Variants in C4orf17 observed in about 807,000 individuals in gnomAD.
C4orf17 encodes the protein chromosome 4 open reading frame 17.
A neutral mutation model predicts 32.0 loss-of-function variants in C4orf17; 25 were observed. The observed-to-expected ratio is 0.78, with a 90% CI of 0.57 to 1.09. The LOEUF is 1.09. Among genes scored for constraint, C4orf17 ranks in the 50% least tolerant of loss-of-function variants. The pLI is 0.00. For synonymous variants in C4orf17, 149 were observed against 145.8 expected (o/e 1.02, Z -0.16); for missense variants, 420 against 420.0 (o/e 1.00, Z 0.00).
chr4:99,535,211 A>G lies in C4orf17; in HGVS notation c.547-2458A>G, dbSNP rs766103205. Among the ~76,000 whole-genome samples, 16 of 152,148 alleles carry G rather than the reference A, an allele frequency of 1.1e-4. 1 individual carries two copies. The highest frequency in any genetic ancestry group is 7.4e-5 in the Non-Finnish European group (5 of 68,000). On this transcript the variant is annotated intron_variant, in intron 5 of 8. Coordinates refer to ENST00000326581, the MANE Select transcript of C4orf17 (RefSeq NM_032149.3). ...GCCTTGGAGAATCTGACGATGATGTATCTTAGGGTGGATCTTCTCATGGAG... is the reference window on the plus strand; with the variant it reads ...GCCTTGGAGAATCTGACGATGATGTGTCTTAGGGTGGATCTTCTCATGGAG...
At chr4:99,526,082 C>T (rs1254137806) in intron 4 of C4orf17, among the ~76,000 whole-genome samples, 1 of 152,100 alleles carries the variant, frequency 6.6e-6, no homozygotes, top group African/African-American at 2.4e-5. Flanking sequence ...TGTACCTGAT[C>T]GTAGGAGGAA....
rs771583570 is a variant in C4orf17 at position 99,539,377 on chromosome 4, A to G, written c.836+7A>G. Reference sequence around the variant, plus strand: ...AAGGGGATCAACCAACCAGGTAATTAGATATAATGGCCCCCTAGAGGGAGG... The same window carrying G: ...AAGGGGATCAACCAACCAGGTAATTGGATATAATGGCCCCCTAGAGGGAGG... On this transcript the variant is annotated splice_region_variant and intron_variant, in intron 7 of 8. Transcript: ENST00000326581. 1 of 1,609,042 alleles carries G rather than the reference A, an allele frequency of 6.2e-7. No homozygotes were observed. Among genetic ancestry groups the G allele is most frequent in the South Asian group, 1.1e-5 (1 of 90,996 alleles).
rs556839279 is a variant in C4orf17, at chr4:99,511,433, T to TC, written c.-94+161_-94+162insC. Among the ~76,000 whole-genome samples, 327 of 152,234 alleles carry TC rather than the reference T, an allele frequency of 2.1e-3. 3 individuals carry two copies. The highest frequency in any genetic ancestry group is 7.4e-3 in the African/African-American group (309 of 41,536). On this transcript the variant is annotated intron_variant, in intron 1 of 8. Coordinates refer to ENST00000326581, the MANE Select transcript of C4orf17 (RefSeq NM_032149.3). ...TTGTTTTCTTGTTGACTTTTTTTTT[T>TC]TCAAAATTTAAAGTGTATCACTACC...
chr4:99,540,635 T>A lies in C4orf17; in HGVS notation c.880+180T>A. ...TTTCTCATAAAGATAAATTTACCTT[T>A]GTTTTGAAAGGCAAAGTGCCTGATC... On this transcript the variant is annotated intron_variant, in intron 8 of 8. Coordinates refer to ENST00000326581, the MANE Select transcript of C4orf17 (RefSeq NM_032149.3). 5.7e-6 allele frequency: 3 copies of A among 527,418 alleles called. No homozygotes were observed. The Middle Eastern group carries it at 1.4e-3, about 255-fold the overall frequency. The allele number at this position is 527,418 out of a possible 1,614,324, so 32.7% of individuals were successfully genotyped here.
At chr4:99,523,120 G>C (rs1421938202) in intron 3 of C4orf17, among the ~76,000 whole-genome samples, 1 of 152,088 alleles carries the variant, frequency 6.6e-6, no homozygotes, top group Non-Finnish European at 1.5e-5. Flanking sequence ...GTCAGGCCCT[G>C]TGTTACTGCT....
At chr4:99,524,494 A>T in intron 3 of C4orf17, 27 bp from the exon 4 acceptor site, 1 of 1,409,496 alleles carries the variant, frequency 7.1e-7, no homozygotes, top group South Asian at 1.2e-5. Context: ...TTTAATCTAA[A>T]TACATTTTTC....
chr4:99,515,949 C>G (rs551398415), intron 2 of C4orf17, among the ~76,000 whole-genome samples: 1 of 152,128 alleles, frequency 6.6e-6, no homozygotes, highest in East Asian at 1.9e-4. Flanking sequence ...CAGGACCAAG[C>G]AATGGCAGAA....
intron 4 of C4orf17, among the ~76,000 whole-genome samples, chr4:99,525,193 T>C (rs1295039575): frequency 1.3e-5 from 2 of 152,198 alleles, no homozygotes; most frequent in Non-Finnish European, 2.9e-5. Flanking sequence ...TTCCTATGAG[T>C]GAAATAACTG....
chr4:99,530,829 A>G lies in C4orf17; in HGVS notation c.546+871A>G, dbSNP rs138690837. On this transcript the variant is annotated intron_variant, in intron 5 of 8. Transcript: ENST00000326581. ...AATGTATAGAAAGGAGAGTATCTAC[A>G]TATTTGACTTATGTTTATACATTAT... Among the ~76,000 whole-genome samples the G allele has an allele frequency of 3.7e-3, 566 of 152,226 alleles. 5 individuals carry two copies. The highest frequency in any genetic ancestry group is 0.013 in the African/African-American group (533 of 41,570).
chr4:99,537,589 G>A, intron 5 of C4orf17, 80 bp from the exon 6 acceptor site: 1 of 975,902 alleles, frequency 1.0e-6, no homozygotes, highest in South Asian at 1.3e-5. Flanking sequence ...GGGAAGATGG[G>A]ATTCTGGAGA....
At chr4:99,538,172 C>G (rs1215849224) in intron 6 of C4orf17, among the ~76,000 whole-genome samples, 2 of 152,208 alleles carry the variant, frequency 1.3e-5, no homozygotes, top group African/African-American at 4.8e-5. Flanking sequence ...AACAGCTCTG[C>G]CATTTGCCCA....
intron 5 of C4orf17, among the ~76,000 whole-genome samples, chr4:99,535,406 C>T (rs749436890): frequency 6.6e-6 from 1 of 151,922 alleles, no homozygotes; most frequent in African/African-American, 2.4e-5. Flanking sequence ...TTTACATAAT[C>T]CCACATTTCT....
intron 2 of C4orf17, among the ~76,000 whole-genome samples, chr4:99,519,714 G>A (rs1723252980): frequency 6.6e-6 from 1 of 152,188 alleles, no homozygotes. Context: ...TGTAGAAAGT[G>A]GAAGATGAGC....
intron 4 of C4orf17, 141 bp downstream of exon 4, chr4:99,524,726 G>A: frequency 3.6e-6 from 2 of 549,788 alleles, no homozygotes; most frequent in Non-Finnish European, 6.5e-6. Context: ...CATAATATAA[G>A]ATACACATAT....
At chr4:99,533,246 C>A (rs1311513338) in intron 5 of C4orf17, among the ~76,000 whole-genome samples, 1 of 152,112 alleles carries the variant, frequency 6.6e-6, no homozygotes, top group East Asian at 1.9e-4. Flanking sequence ...ACTCTGGATA[C>A]AATATGCAGA....
At chr4:99,531,068 C>T (rs1723469732) in intron 5 of C4orf17, among the ~76,000 whole-genome samples, 2 of 152,154 alleles carry the variant, frequency 1.3e-5, no homozygotes, top group South Asian at 4.1e-4. Context: ...GATACTTTCT[C>T]TAACCATCCA....
chr4:99,539,225 C>T lies in C4orf17; in HGVS notation c.691C>T (p.His231Tyr). 1.2e-6 allele frequency: 2 copies of T among 1,614,058 alleles called. No individual in the cohort carries two copies. The highest frequency in any genetic ancestry group is 1.7e-6 in the Non-Finnish European group (2 of 1,179,952). Residue 231 changes from histidine to tyrosine, a missense_variant, in exon 7 of 9, where the codon CAC becomes TAC. His to Tyr is a moderately conservative substitution (Grantham distance 83, BLOSUM62 2). Transcript: ENST00000326581. ...ELAEINLLTH[H>Y]RRNTSMEPAA... ...TGCCGAGATAAACCTGTTAACTCATCACAGAAGAAACACCTCAATGGAACC... is the reference window on the plus strand; with the variant it reads ...TGCCGAGATAAACCTGTTAACTCATTACAGAAGAAACACCTCAATGGAACC...
intron 7 of C4orf17, among the ~76,000 whole-genome samples, chr4:99,540,098 G>A (rs1723630859): frequency 6.6e-6 from 1 of 151,902 alleles, no homozygotes; most frequent in Admixed American, 6.5e-5. Flanking sequence ...ACTTTAAAAA[G>A]CATTAAGACA....
rs148607252 is a variant in C4orf17, at chr4:99,529,894, G to A, written c.482G>A (p.Ser161Asn). 5.6e-6 allele frequency: 9 copies of A among 1,597,842 alleles called. No individual in the cohort carries two copies. Among genetic ancestry groups the A allele is most frequent in the Non-Finnish European group, 7.6e-6 (9 of 1,177,890 alleles). The part of the protein sequence containing the change: ...TPGSCSSGMT[S>N]TKNDVKANTI... ...GGCTCCTGTTCTTCAGGGATGACAAGTACCAAGAATGATGTGAAAGCAAAC... is the reference window on the plus strand; with the variant it reads ...GGCTCCTGTTCTTCAGGGATGACAAATACCAAGAATGATGTGAAAGCAAAC... The change falls in exon 5 of 9, where the codon AGT (serine) becomes AAT (asparagine). Residue 161 changes from serine to asparagine, a missense_variant. Ser to Asn is a conservative substitution (Grantham distance 46). Transcript: ENST00000326581.
Sources: allele counts gnomAD v4.1 joint callset (sites outside exome capture counted in the v4.1 genomes callset), GRCh38; gene constraint gnomAD v4.1.1; transcripts MANE v1.5; gene names NCBI Gene and HGNC (gene_info 2026-07-23, HGNC 2026-07-21).